NCKAP5: variants seen among roughly 807,000 people sequenced by gnomAD.
The protein encoded by NCKAP5 is nck-associated protein 5.
NCKAP5 carries 92 observed loss-of-function variants against 167.0 expected under a neutral mutation model. The observed-to-expected ratio is 0.55, with a 90% confidence interval of 0.47 to 0.66. NCKAP5 has a LOEUF of 0.66. NCKAP5 is among the 30% of genes least tolerant of loss of function. NCKAP5 has a pLI of 0.00. For missense variants in NCKAP5, 2,378 were observed against 2,315.0 expected, an observed-to-expected ratio of 1.03 and a Z score of -0.56; for synonymous variants, 891 against 877.4, an observed-to-expected ratio of 1.02 and a Z score of -0.27.
chr2:133,362,047 C>T (rs1685144508), intron 3 of NCKAP5, among the ~76,000 whole-genome samples: 1 of 151,768 alleles, frequency 6.6e-6, no homozygotes, highest in Non-Finnish European at 1.5e-5. Flanking sequence ...CTAGAGTATG[C>T]TGTGGCTTAC....
intron 5 of NCKAP5, among the ~76,000 whole-genome samples, chr2:133,191,700 T>C (rs932196631): frequency 1.3e-5 from 2 of 152,038 alleles, no homozygotes; most frequent in Non-Finnish European, 2.9e-5. Context: ...TTCTCACTCA[T>C]TGGTGGGAAT....
intron 4 of NCKAP5, among the ~76,000 whole-genome samples, chr2:133,295,196 G>T (rs1274655481): frequency 1.3e-5 from 2 of 152,054 alleles, no homozygotes; most frequent in Non-Finnish European, 2.9e-5. Context: ...AAGTCACCCA[G>T]CCCAGTACCA....
chr2:133,098,326 C>G (rs1398825879), intron 6 of NCKAP5, among the ~76,000 whole-genome samples: 5 of 152,142 alleles, frequency 3.3e-5, no homozygotes, highest in African/African-American at 1.2e-4. Flanking sequence ...AATAAGTGGA[C>G]AGTTAATTGT....
intron 4 of NCKAP5, chr2:133,267,163 A>G (rs956448405): frequency 2.0e-5 from 3 of 152,176 alleles, no homozygotes; most frequent in African/African-American, 7.3e-5. Context: ...GGGGGCCTGG[A>G]GCCTTCTATT....
chr2:133,162,610 C>T (rs549592230), intron 5 of NCKAP5, among the ~76,000 whole-genome samples: 110 of 152,244 alleles, frequency 7.2e-4, no homozygotes, highest in African/African-American at 2.5e-3. Context: ...TTACTTGGAT[C>T]AATCTTCACA....
Position 133,342,989 on chromosome 2 carries a change from G to A in NCKAP5, c.70-39879C>T, listed in dbSNP as rs112271182. Among the ~76,000 whole-genome samples the A allele has an allele frequency of 1.8e-3, 269 of 152,212 alleles. 3 individuals carry two copies. Among genetic ancestry groups the A allele is most frequent in the African/African-American group, 6.1e-3 (255 of 41,534 alleles). ...GTAGTGTAGAGTGGGCTGCAGGCTC[G>A]TCAGATCTCAACTTGCTTGATCCCA... is the stretch of plus-strand genomic sequence containing the variant. On this transcript the variant is annotated intron_variant, in intron 3 of 19. Coordinates refer to ENST00000409261, the MANE Select transcript of NCKAP5 (RefSeq NM_207363.3).
At chr2:133,658,036 G>C in the NCKAP5 span, among the ~76,000 whole-genome samples, 1 of 152,160 alleles carries the variant, frequency 6.6e-6, no homozygotes, top group Non-Finnish European at 1.5e-5. Flanking sequence ...GTATGGGCAA[G>C]GCTGAATCTA....
At chr2:132,947,343 C>T (rs1558976023) in intron 8 of NCKAP5, among the ~76,000 whole-genome samples, 1 of 152,056 alleles carries the variant, frequency 6.6e-6, no homozygotes, top group Non-Finnish European at 1.5e-5. Flanking sequence ...ATAAGATATG[C>T]TAATTTATGT....
chr2:132,729,376 T>C (rs995055038), intron 17 of NCKAP5, among the ~76,000 whole-genome samples: 4 of 152,214 alleles, frequency 2.6e-5, no homozygotes, highest in African/African-American at 2.4e-5. Context: ...AAGAGAGGAT[T>C]TGAATTTGCA....
At chr2:133,015,736 ACTTACTACTG>A (rs1490214447) in intron 6 of NCKAP5, among the ~76,000 whole-genome samples, 3 of 152,224 alleles carry the variant, frequency 2.0e-5, no homozygotes, top group Non-Finnish European at 2.9e-5. Context: ...CTCAAAAGGA[ACTTACTACTG>A]CTTAATGAGG....
intron 8 of NCKAP5, among the ~76,000 whole-genome samples, chr2:132,888,566 T>C (rs544725765): frequency 3.4e-4 from 51 of 152,068 alleles, no homozygotes; most frequent in Non-Finnish European, 7.1e-4. Context: ...ATTTTTGTAT[T>C]TTTTAGTAGA....
intron 7 of NCKAP5, 55 bp from the exon 8 acceptor site, chr2:132,963,924 A>T (rs914839298): frequency 1.9e-6 from 3 of 1,592,326 alleles, no homozygotes; most frequent in Non-Finnish European, 2.6e-6. Flanking sequence ...AATAAGCATG[A>T]GTGTGAGGCT....
chr2:133,340,414 C>T (rs1683495543), intron 3 of NCKAP5, among the ~76,000 whole-genome samples: 1 of 152,172 alleles, frequency 6.6e-6, no homozygotes, highest in Non-Finnish European at 1.5e-5. Flanking sequence ...GTATTTCAAA[C>T]ATTGGAAGAC....
chr2:133,458,111 GAACA>G (rs1264447372), intron 3 of NCKAP5, among the ~76,000 whole-genome samples: 32 of 152,226 alleles, frequency 2.1e-4, no homozygotes, highest in East Asian at 1.4e-3. Context: ...AGTTTAAGCT[GAACA>G]AACAGAGTTA....
intron 1 of NCKAP5, among the ~76,000 whole-genome samples, chr2:133,559,913 C>G (rs1171442418): frequency 2.0e-5 from 3 of 152,210 alleles, no homozygotes; most frequent in African/African-American, 7.2e-5. Flanking sequence ...AGGCACATTA[C>G]TAAGCTCAAG....
At chr2:133,594,374 T>G in the NCKAP5 span, among the ~76,000 whole-genome samples, 1 of 152,292 alleles carries the variant, frequency 6.6e-6, no homozygotes, top group South Asian at 2.1e-4. Flanking sequence ...ATCATCTCTC[T>G]TCTTGGCACT....
intron 3 of NCKAP5, among the ~76,000 whole-genome samples, chr2:133,380,202 C>T (rs1224748410): frequency 6.6e-6 from 1 of 152,130 alleles, no homozygotes; most frequent in Middle Eastern, 3.2e-3. Context: ...AGGGCACACA[C>T]CAACCCATTC....
the NCKAP5 span, among the ~76,000 whole-genome samples, chr2:133,637,461 T>C: frequency 2.8e-5 from 2 of 71,360 alleles, no homozygotes; most frequent in African/African-American, 1.7e-4. Context: ...CAGAACTTCA[T>C]ATATTGGTAT....
chr2:133,318,903 A>G (rs1681814066), intron 3 of NCKAP5, among the ~76,000 whole-genome samples: 1 of 152,124 alleles, frequency 6.6e-6, no homozygotes, highest in African/African-American at 2.4e-5. Flanking sequence ...TTAAGATCTA[A>G]TGCAACGGTT....
Sources: allele counts gnomAD v4.1 joint callset (sites outside exome capture counted in the v4.1 genomes callset), GRCh38; gene constraint gnomAD v4.1.1; transcripts MANE v1.5; gene names NCBI Gene and HGNC (gene_info 2026-07-23, HGNC 2026-07-21).